Variants in ROBO2 observed in about 807,000 individuals in gnomAD.
ROBO2 encodes roundabout guidance receptor 2, also known as roundabout homolog 2.
ROBO2 carries 53 observed loss-of-function variants against 160.8 expected under a neutral mutation model. The observed-to-expected ratio is 0.33, with a 90% CI of 0.26 to 0.41. The LOEUF is 0.41. Ranked by LOEUF, ROBO2 falls within the 10% of genes least tolerant of loss-of-function variation. The pLI is 1.00. For synonymous variants in ROBO2, 664 were observed against 611.7 expected (o/e 1.09, Z -1.26); for missense variants, 1,577 against 1,722.4 (o/e 0.92, Z 1.49).
intron 4 of ROBO2, 82 bp from the exon 5 acceptor site, chr3:77,493,162 T>A: frequency 6.7e-7 from 1 of 1,482,852 alleles, no homozygotes; most frequent in Non-Finnish European, 9.4e-7. Context: ...TAAATTAGGT[T>A]TCCTTTGCTT....
chr3:76,236,408 G>A (rs1052358419), intron 2 of ROBO2, among the ~76,000 whole-genome samples: 7 of 152,044 alleles, frequency 4.6e-5, no homozygotes, highest in African/African-American at 1.7e-4. Context: ...AGTGCAGACT[G>A]AAATAAATCT....
chr3:77,204,765 C>T (rs1027214601), intron 2 of ROBO2, among the ~76,000 whole-genome samples: 3 of 152,198 alleles, frequency 2.0e-5, no homozygotes, highest in Admixed American at 6.5e-5. Context: ...ACATACGCTT[C>T]AAGACAGATT....
chr3:76,618,049 A>C (rs1218337998), intron 2 of ROBO2, among the ~76,000 whole-genome samples: 1 of 151,616 alleles, frequency 6.6e-6, no homozygotes, highest in East Asian at 1.9e-4. Context: ...AATGACCCTC[A>C]AAGACAACTT....
At chr3:76,191,724 A>AT (rs1358457334) in intron 2 of ROBO2, among the ~76,000 whole-genome samples, 1 of 152,086 alleles carries the variant, frequency 6.6e-6, no homozygotes, top group Non-Finnish European at 1.5e-5. Context: ...ATTAGAATTG[A>AT]TTTTTTTTAA....
intron 2 of ROBO2, among the ~76,000 whole-genome samples, chr3:77,221,955 C>A (rs1387427212): frequency 1.3e-5 from 2 of 150,996 alleles, no homozygotes; most frequent in Non-Finnish European, 2.9e-5. Flanking sequence ...CAGATTCAAG[C>A]CATTCTCTTA....
chr3:76,689,494 A>T (rs155474), intron 2 of ROBO2, among the ~76,000 whole-genome samples: 86,886 of 151,976 alleles, frequency 0.57, 26,277 homozygotes, highest in East Asian at 0.78. Flanking sequence ...TTACAATTAT[A>T]GTTTTCTAGC....
intron 2 of ROBO2, among the ~76,000 whole-genome samples, chr3:76,237,861 C>T (rs184858101): frequency 6.6e-6 from 1 of 152,260 alleles, no homozygotes; most frequent in East Asian, 1.9e-4. Context: ...ACAATGAACT[C>T]GTGTTCTAAG....
intron 2 of ROBO2, among the ~76,000 whole-genome samples, chr3:77,126,236 T>C (rs567123161): frequency 6.6e-6 from 1 of 152,300 alleles, no homozygotes; most frequent in East Asian, 1.9e-4. Context: ...TTTAAACCAT[T>C]GTCACAGTCC....
chr3:76,904,635 G>A (rs949840899), intron 2 of ROBO2, among the ~76,000 whole-genome samples: 1 of 152,052 alleles, frequency 6.6e-6, no homozygotes, highest in African/African-American at 2.4e-5. Flanking sequence ...TCCATCCCGT[G>A]GCTCAGAGGG....
intron 2 of ROBO2, among the ~76,000 whole-genome samples, chr3:76,907,823 G>GGTGTGTGTGT (rs71104638): frequency 0.019 from 2,707 of 145,472 alleles, 62 homozygotes; most frequent in African/African-American, 0.047. Flanking sequence ...GTTTGTTTGG[G>GGTGTGTGTGT]GTGTGTGTGT....
intron 2 of ROBO2, among the ~76,000 whole-genome samples, chr3:76,530,721 A>G (rs938342221): frequency 6.6e-5 from 10 of 152,194 alleles, no homozygotes; most frequent in Admixed American, 5.9e-4. Flanking sequence ...AAATGTGTGC[A>G]CAAACTTTGG....
intron 2 of ROBO2, among the ~76,000 whole-genome samples, chr3:76,770,608 A>G (rs1391663744): frequency 6.6e-6 from 1 of 151,248 alleles, no homozygotes; most frequent in African/African-American, 2.4e-5. Flanking sequence ...ACATGTATGT[A>G]TTTACTTACT....
intron 2 of ROBO2, among the ~76,000 whole-genome samples, chr3:76,760,452 T>C (rs1034448989): frequency 6.6e-6 from 1 of 151,664 alleles, no homozygotes; most frequent in Non-Finnish European, 1.5e-5. Flanking sequence ...CCAAGAACAC[T>C]TCTTCTATAG....
chr3:76,087,489 C>A (rs1402201373), intron 2 of ROBO2, among the ~76,000 whole-genome samples: 7 of 151,536 alleles, frequency 4.6e-5, no homozygotes, highest in Admixed American at 3.3e-4. Context: ...AATGTTTTGT[C>A]AGTAGACCTG....
chr3:76,850,733 A>C (rs947502633), intron 2 of ROBO2, among the ~76,000 whole-genome samples: 2 of 152,108 alleles, frequency 1.3e-5, no homozygotes, highest in Non-Finnish European at 2.9e-5. Context: ...ACACCAAGGC[A>C]CTAGAATAGG....
intron 1 of ROBO2, among the ~76,000 whole-genome samples, chr3:77,073,667 A>G (rs757037853): frequency 6.6e-6 from 1 of 152,174 alleles, no homozygotes; most frequent in Non-Finnish European, 1.5e-5. Context: ...CCTTGAGCAT[A>G]CAGAGTTGCT....
At position 76,662,794 on chromosome 3, in the gene ROBO2, G is replaced by A. The variant is rs139677934; in HGVS notation, c.110-435220G>A. The stretch of plus-strand genomic sequence containing the variant: ...GGAGTCAGGAAGGAAAACAGTATGG[G>A]CACTGTATTTAGCTGAATGGTGACA... On this transcript the variant is annotated intron_variant, in intron 2 of 26. Transcript: ENST00000487694. Among the ~76,000 whole-genome samples the A allele has an allele frequency of 1.1e-3, 167 of 152,236 alleles. 1 individual carries two copies. The highest frequency in any genetic ancestry group is 3.7e-3 in the African/African-American group (153 of 41,538).
intron 2 of ROBO2, among the ~76,000 whole-genome samples, chr3:76,392,954 G>C (rs1454879514): frequency 2.0e-5 from 3 of 152,152 alleles, no homozygotes; most frequent in Non-Finnish European, 4.4e-5. Context: ...GTTTGCTAGA[G>C]AAACAAGGAT....
intron 2 of ROBO2, among the ~76,000 whole-genome samples, chr3:76,455,639 A>G (rs1255612034): frequency 6.6e-6 from 1 of 152,146 alleles, no homozygotes; most frequent in African/African-American, 2.4e-5. Context: ...AATGTTATGC[A>G]TTACCGTAAT....
Sources: allele counts gnomAD v4.1 joint callset (sites outside exome capture counted in the v4.1 genomes callset), GRCh38; gene constraint gnomAD v4.1.1; transcripts MANE v1.5; gene names NCBI Gene and HGNC (gene_info 2026-07-23, HGNC 2026-07-21).